The following CNTNAP5 variants were observed in gnomAD, a reference collection of about 807,000 sequenced individuals.
The protein encoded by CNTNAP5 is contactin associated protein family member 5.
CNTNAP5 carries 72 observed loss-of-function variants against 150.2 expected under a neutral mutation model. The observed-to-expected ratio is 0.48, with a 90% CI of 0.40 to 0.58. CNTNAP5 has a LOEUF of 0.58. CNTNAP5 is among the 20% of genes least tolerant of loss of function. CNTNAP5 has a pLI of 0.00. For synonymous variants in CNTNAP5, 672 were observed against 619.8 expected (o/e 1.08, Z -1.25); for missense variants, 1,636 against 1,626.2 (o/e 1.01, Z -0.10).
At chr2:124,279,471 T>C (rs1397711078) in intron 3 of CNTNAP5, among the ~76,000 whole-genome samples, 1 of 151,968 alleles carries the variant, frequency 6.6e-6, no homozygotes, top group Non-Finnish European at 1.5e-5. Context: ...ATTCACTGAC[T>C]CTACACTATA....
intron 3 of CNTNAP5, among the ~76,000 whole-genome samples, chr2:124,253,774 A>G (rs1687243637): frequency 6.6e-6 from 1 of 152,092 alleles, no homozygotes; most frequent in Admixed American, 6.6e-5. Flanking sequence ...TTTTCCAGTT[A>G]CAAGTACCTT....
chr2:124,678,545 G>C (rs184897381), intron 13 of CNTNAP5, among the ~76,000 whole-genome samples: 1 of 151,646 alleles, frequency 6.6e-6, no homozygotes, highest in Non-Finnish European at 1.5e-5. Flanking sequence ...TTTGGACCTA[G>C]TGTAGGACTT....
chr2:124,100,449 ATATAATAACTAATACG>A (rs1281643186), intron 1 of CNTNAP5, among the ~76,000 whole-genome samples: 2 of 150,684 alleles, frequency 1.3e-5, no homozygotes, highest in African/African-American at 4.9e-5. Flanking sequence ...TCAAAACTGC[ATATAATAACTAATACG>A]TATAATAAGA....
rs765036259 is a variant in CNTNAP5, at chr2:124,417,533, G to A, written c.472G>A (p.Glu158Lys). 3.7e-6 allele frequency: 6 copies of A among 1,613,778 alleles called. No individual in the cohort carries two copies. Among genetic ancestry groups the A allele is most frequent in the Non-Finnish European group, 5.1e-6 (6 of 1,179,824 alleles). The change falls in exon 4 of 24, where the codon GAA (glutamate) becomes AAA (lysine). Residue 158 changes from glutamate to lysine, a missense_variant. Physicochemically the swap from Glu to Lys is moderately conservative, Grantham distance 56. Coordinates refer to ENST00000682447, the MANE Select transcript of CNTNAP5 (RefSeq NM_001367498.1). The part of the protein sequence containing the change: ...RARFVRFVPL[E>K]WNPSGKIGMR... ...CCGATTTGTTCGCTTTGTGCCCCTG[G>A]AATGGAATCCCAGTGGGAAGATTGG...
intron 2 of CNTNAP5, among the ~76,000 whole-genome samples, chr2:124,231,114 C>T (rs1448545682): frequency 3.3e-5 from 5 of 152,280 alleles, no homozygotes; most frequent in Non-Finnish European, 5.9e-5. Context: ...GATCAGAACC[C>T]GTGCATTAAC....
At chr2:124,344,702 G>C (rs1307563829) in intron 3 of CNTNAP5, among the ~76,000 whole-genome samples, 1 of 152,182 alleles carries the variant, frequency 6.6e-6, no homozygotes, top group African/African-American at 2.4e-5. Context: ...GTTACAGTGA[G>C]CCATGATAGC....
At chr2:124,055,074 G>A (rs1436393330) in intron 1 of CNTNAP5, among the ~76,000 whole-genome samples, 2 of 152,152 alleles carry the variant, frequency 1.3e-5, no homozygotes. Flanking sequence ...CTTGCAGAGT[G>A]TGTTGAAGAT....
intron 3 of CNTNAP5, among the ~76,000 whole-genome samples, chr2:124,339,476 G>A (rs1288552504): frequency 2.0e-5 from 3 of 152,162 alleles, no homozygotes; most frequent in African/African-American, 4.8e-5. Flanking sequence ...ACAGAATAAT[G>A]ATATGGTAAA....
chr2:124,093,627 T>C (rs953421867), intron 1 of CNTNAP5, among the ~76,000 whole-genome samples: 47 of 151,628 alleles, frequency 3.1e-4, no homozygotes, highest in African/African-American at 8.7e-4. Context: ...ACATTTGATG[T>C]TGTTAAGGTA....
intron 3 of CNTNAP5, among the ~76,000 whole-genome samples, chr2:124,335,649 A>G (rs897913941): frequency 6.6e-6 from 1 of 151,012 alleles, no homozygotes; most frequent in African/African-American, 2.4e-5. Context: ...ATTAATCTAA[A>G]TTTGAAAAGG....
intron 21 of CNTNAP5, among the ~76,000 whole-genome samples, chr2:124,873,892 T>A (rs1048637062): frequency 6.6e-6 from 1 of 152,090 alleles, no homozygotes; most frequent in African/African-American, 2.4e-5. Context: ...TAGCATTTCA[T>A]TGCAAAGCAA....
At chr2:124,258,715 CA>C (rs1198522896) in intron 3 of CNTNAP5, among the ~76,000 whole-genome samples, 1 of 152,128 alleles carries the variant, frequency 6.6e-6, no homozygotes, top group Admixed American at 6.6e-5. Context: ...ATCCACTGGA[CA>C]AAAAACATTT....
intron 3 of CNTNAP5, among the ~76,000 whole-genome samples, chr2:124,363,203 C>A (rs1690266421): frequency 6.6e-6 from 1 of 152,204 alleles, no homozygotes; most frequent in Non-Finnish European, 1.5e-5. Flanking sequence ...TTGATCACTT[C>A]TTCAGTTACT....
chr2:124,257,608 A>G (rs532070631), intron 3 of CNTNAP5, among the ~76,000 whole-genome samples: 124 of 152,274 alleles, frequency 8.1e-4, no homozygotes, highest in Non-Finnish European at 1.4e-3. Context: ...ACTTCTCCTG[A>G]TTCAATTACT....
chr2:124,664,399 C>A (rs1388123231), intron 13 of CNTNAP5, among the ~76,000 whole-genome samples: 1 of 151,718 alleles, frequency 6.6e-6, no homozygotes, highest in African/African-American at 2.4e-5. Context: ...CAAACAAAAC[C>A]CAGAAACAGA....
At chr2:124,448,368 A>G (rs1328094182) in intron 6 of CNTNAP5, among the ~76,000 whole-genome samples, 2 of 152,026 alleles carry the variant, frequency 1.3e-5, no homozygotes, top group Non-Finnish European at 2.9e-5. Flanking sequence ...ATTTCACTAT[A>G]TTATATCGAT....
intron 1 of CNTNAP5, among the ~76,000 whole-genome samples, chr2:124,095,330 A>G (rs536162642): frequency 1.3e-5 from 2 of 152,264 alleles, no homozygotes; most frequent in Non-Finnish European, 2.9e-5. Context: ...AACATCACAC[A>G]CTGGGGCCTG....
intron 12 of CNTNAP5, among the ~76,000 whole-genome samples, chr2:124,621,210 C>T (rs991730): frequency 0.58 from 88,216 of 151,634 alleles, 26,313 homozygotes; most frequent in African/African-American, 0.65. Flanking sequence ...TTGTACAGTA[C>T]AATTGTACAT....
intron 12 of CNTNAP5, among the ~76,000 whole-genome samples, chr2:124,637,099 C>T (rs567253847): frequency 1.3e-5 from 2 of 152,254 alleles, no homozygotes; most frequent in South Asian, 4.1e-4. Context: ...AATTAATTAT[C>T]CAATATATAG....
Sources: gnomAD v4.1 joint callset for allele counts (sites outside exome capture counted in the v4.1 genomes callset) on GRCh38, gnomAD v4.1.1 for gene constraint, MANE v1.5 for transcripts, NCBI Gene and HGNC (gene_info 2026-07-23, HGNC 2026-07-21) for gene names.